TBC1D1: variants seen among roughly 807,000 people sequenced by gnomAD.
TBC1D1 encodes TBC1 domain family member 1.
In TBC1D1, 89 loss-of-function variants were observed where a neutral mutation model predicts 125.6. That is an observed-to-expected ratio of 0.71 (90% CI 0.60 to 0.85). The LOEUF (loss-of-function observed/expected upper bound fraction) is 0.85. TBC1D1 is among the 40% of genes least tolerant of loss of function. The pLI is 0.00. For missense variants in TBC1D1, 1,377 were observed against 1,469.2 expected, an observed-to-expected ratio of 0.94 and a Z score of 1.03; for synonymous variants, 565 against 564.1, an observed-to-expected ratio of 1.00 and a Z score of -0.02.
rs530790290 is a variant in TBC1D1 at position 37,964,499 on chromosome 4, G to T, written c.418-50010G>T. 5.4e-4 allele frequency among the ~76,000 whole-genome samples: 82 copies of T among 152,210 alleles called. 1 individual carries two copies. The highest frequency in any genetic ancestry group is 7.6e-4 in the Non-Finnish European group (52 of 68,038). On this transcript the variant is annotated intron_variant, in intron 2 of 19. Transcript: ENST00000261439. Reference sequence around the variant, plus strand: ...TGAATTTCCTAGGCACTGAGGTCAGGGTTTTCCTGTCCACTAGCCTGACCA... The same window carrying T: ...TGAATTTCCTAGGCACTGAGGTCAGTGTTTTCCTGTCCACTAGCCTGACCA...
chr4:38,136,884 C>T (rs1178157508), intron 19 of TBC1D1, among the ~76,000 whole-genome samples: 4 of 152,220 alleles, frequency 2.6e-5, no homozygotes, highest in African/African-American at 9.6e-5. Flanking sequence ...ATCTCAGCAT[C>T]GGCTTCCACA....
chr4:38,073,785 T>C (rs1313468311), intron 12 of TBC1D1, among the ~76,000 whole-genome samples: 1 of 152,118 alleles, frequency 6.6e-6, no homozygotes, highest in Non-Finnish European at 1.5e-5. Context: ...GCTTGTTACG[T>C]AAGGAGAAGG....
At chr4:38,046,320 C>A (rs561267079) in intron 10 of TBC1D1, among the ~76,000 whole-genome samples, 5 of 150,988 alleles carry the variant, frequency 3.3e-5, no homozygotes, top group African/African-American at 1.2e-4. Context: ...TGCAGTGAGC[C>A]AAGATCACGC....
At position 37,943,866 on chromosome 4, in the gene TBC1D1, C is replaced by T. The variant is rs185562690; in HGVS notation, c.417+41354C>T. Reference sequence around the variant, plus strand: ...AGTCATTCTTCATCCACCTTTGTTCCATTGCTGGTGAGGAGCTGCATTCCT... The same window carrying T: ...AGTCATTCTTCATCCACCTTTGTTCTATTGCTGGTGAGGAGCTGCATTCCT... On this transcript the variant is annotated intron_variant, in intron 2 of 19. Coordinates refer to ENST00000261439, the MANE Select transcript of TBC1D1 (RefSeq NM_015173.4). Among the ~76,000 whole-genome samples, 40 of 152,288 alleles carry T rather than the reference C, an allele frequency of 2.6e-4. No individual in the cohort carries two copies. In the East Asian group the frequency reaches 7.7e-3, roughly 29 times the overall value.
intron 11 of TBC1D1, among the ~76,000 whole-genome samples, 162 bp downstream of exon 13, chr4:38,053,387 T>A (rs186037416): frequency 1.6e-4 from 25 of 152,384 alleles, no homozygotes; most frequent in Admixed American, 2.6e-4. Context: ...AATGCCATTT[T>A]TAAAAATGTG....
intron 7 of TBC1D1, among the ~76,000 whole-genome samples, chr4:38,030,056 GA>G (rs1253728459): frequency 3.3e-5 from 5 of 152,186 alleles, no homozygotes; most frequent in African/African-American, 1.2e-4. Flanking sequence ...GTCACTTTAA[GA>G]AACCATCTTT....
intron 2 of TBC1D1, chr4:38,007,140 T>C: frequency 4.6e-6 from 1 of 215,270 alleles, no homozygotes. Flanking sequence ...TCCCTGGACT[T>C]GACTTTCCTC....
At chr4:37,959,137 G>C (rs139926774) in intron 2 of TBC1D1, among the ~76,000 whole-genome samples, 2 of 152,248 alleles carry the variant, frequency 1.3e-5, no homozygotes, top group Non-Finnish European at 2.9e-5. Flanking sequence ...CAAATAAACA[G>C]GCACAGTTGA....
chr4:38,135,981 C>G (rs1233702077), intron 19 of TBC1D1, among the ~76,000 whole-genome samples: 1 of 149,938 alleles, frequency 6.7e-6, no homozygotes, highest in African/African-American at 2.5e-5. Context: ...TACCATTTTT[C>G]CCACCTAAAA....
intron 1 of TBC1D1, among the ~76,000 whole-genome samples, chr4:37,893,824 T>C (rs1176243903): frequency 6.6e-6 from 1 of 152,184 alleles, no homozygotes; most frequent in Non-Finnish European, 1.5e-5. Flanking sequence ...TTGGGGTTTG[T>C]ATCCCTGTAG....
At chr4:38,052,706 A>G (rs1750873546) in intron 11 of TBC1D1, among the ~76,000 whole-genome samples, 5 of 96,280 alleles carry the variant, frequency 5.2e-5, no homozygotes, top group African/African-American at 2.6e-4. Context: ...GCGTATATAC[A>G]CACACACGCG....
At chr4:37,951,886 A>T (rs764136325) in intron 2 of TBC1D1, 13 of 688,826 alleles carry the variant, frequency 1.9e-5, no homozygotes, top group Non-Finnish European at 3.3e-5. Flanking sequence ...CAATACTGAC[A>T]TGGAGTTCAG....
chr4:38,087,582 C>A (rs1757701248), intron 12 of TBC1D1, among the ~76,000 whole-genome samples: 3 of 152,142 alleles, frequency 2.0e-5, no homozygotes, highest in African/African-American at 7.2e-5. Context: ...TGGCTCACAC[C>A]TGTAATTCTA....
intron 2 of TBC1D1, among the ~76,000 whole-genome samples, chr4:38,011,129 A>G (rs1195138966): frequency 6.6e-6 from 1 of 152,174 alleles, no homozygotes; most frequent in Non-Finnish European, 1.5e-5. Flanking sequence ...AGGCGGGTGG[A>G]TCACTTGAGG....
intron 2 of TBC1D1, among the ~76,000 whole-genome samples, chr4:37,963,393 G>A (rs567540951): frequency 1.3e-5 from 2 of 151,390 alleles, no homozygotes; most frequent in African/African-American, 2.4e-5. Flanking sequence ...AAGAGTTGAG[G>A]TGGGGGGTGA....
intron 12 of TBC1D1, among the ~76,000 whole-genome samples, chr4:38,086,736 G>C (rs1345470223): frequency 6.6e-6 from 1 of 152,168 alleles, no homozygotes; most frequent in Non-Finnish European, 1.5e-5. Context: ...AGGAAATAGA[G>C]AGTAAAGCTG....
intron 3 of TBC1D1, among the ~76,000 whole-genome samples, chr4:38,017,780 T>G (rs1299831962): frequency 6.6e-6 from 1 of 152,180 alleles, no homozygotes; most frequent in Non-Finnish European, 1.5e-5. Context: ...TTTCACAGCC[T>G]GCAGGGGCGT....
intron 2 of TBC1D1, among the ~76,000 whole-genome samples, chr4:37,957,132 GA>G (rs1256320712): frequency 6.6e-6 from 1 of 152,094 alleles, no homozygotes; most frequent in Admixed American, 6.6e-5. Context: ...TGAGATGGGA[GA>G]ACATAAGCCC....
intron 3 of TBC1D1, among the ~76,000 whole-genome samples, chr4:38,016,799 T>A (rs920906233): frequency 6.6e-6 from 1 of 152,180 alleles, no homozygotes; most frequent in Non-Finnish European, 1.5e-5. Flanking sequence ...CAGGCACAAC[T>A]TTATGGGTCT....
Sources: gnomAD v4.1 joint callset for allele counts (sites outside exome capture counted in the v4.1 genomes callset) on GRCh38, gnomAD v4.1.1 for gene constraint, MANE v1.5 for transcripts, NCBI Gene and HGNC (gene_info 2026-07-23, HGNC 2026-07-21) for gene names.